SREBF2: variants seen among roughly 807,000 people sequenced by gnomAD.
SREBF2 encodes sterol regulatory element binding transcription factor 2.
SREBF2 carries 55 observed loss-of-function variants against 113.1 expected under a neutral mutation model. The ratio of observed to expected loss-of-function variants is 0.49; its 90% CI spans 0.39 to 0.61. SREBF2 has a LOEUF of 0.61. SREBF2 is among the 20% of genes least tolerant of loss of function. The pLI is 0.00. For synonymous variants in SREBF2, 593 were observed against 605.7 expected (o/e 0.98, Z 0.31); for missense variants, 1,349 against 1,487.4 (o/e 0.91, Z 1.53).
rs1251549547 is a variant in SREBF2 at position 41,893,135 on chromosome 22, G to A, written c.2227G>A (p.Ala743Thr). ...GFLASYFLSR[A>T]QSLCGPEHSA... ...TCCACAGAGCTACTTCCTCAGCCGA[G>A]CCCAGAGCCTGTGTGGCCCCGAGCA... The change falls in exon 12 of 19, where the codon GCC (alanine) becomes ACC (threonine). Residue 743 changes from alanine to threonine, a missense_variant. Ala to Thr is a moderately conservative substitution (Grantham distance 58). Around this residue, in one of 2 missense-constraint regions of SREBF2, gnomAD observed 650 missense variants for 644.1 expected, o/e 1.01. Transcript: ENST00000361204. The A allele has an allele frequency of 6.2e-7, 1 of 1,613,698 alleles. No individual in the cohort carries two copies. The highest frequency in any genetic ancestry group is 1.3e-5 in the African/African-American group (1 of 74,906).
Position 41,878,038 on chromosome 22 carries a change from A to G in SREBF2, c.1676A>G (p.His559Arg). The change falls in exon 9 of 19, where the codon CAT becomes CGT. Residue 559 changes from histidine (H) to arginine (R), a missense_variant. His to Arg is a conservative substitution (Grantham distance 29). Coordinates refer to ENST00000361204, the MANE Select transcript of SREBF2 (RefSeq NM_004599.4). ...AGCGTCTTTGTGAAGCTGCTGGTTC[A>G]TGGGGAGCCAGTGATCCGGCCACAC... ...VLSVFVKLLV[H>R]GEPVIRPHSR... is the part of the protein sequence containing the mutation. 1 of 1,614,150 alleles carries G rather than the reference A, an allele frequency of 6.2e-7. No homozygotes were observed. The highest frequency in any genetic ancestry group is 8.5e-7 in the Non-Finnish European group (1 of 1,180,036).
chr22:41,897,445 G>C (rs1437952808), intron 14 of SREBF2, among the ~76,000 whole-genome samples: 1 of 152,192 alleles, frequency 6.6e-6, no homozygotes, highest in Non-Finnish European at 1.5e-5. Context: ...AGAAGAACAA[G>C]CAATGAGTGG....
chr22:41,877,383 A>G lies in SREBF2; in HGVS notation c.1541A>G (p.His514Arg), dbSNP rs1469641286. Residue 514 changes from histidine (H) to arginine (R), a missense_variant, in exon 8 of 19, where the codon CAC becomes CGC. By Grantham distance (29) the His-to-Arg change is conservative. Coordinates refer to ENST00000361204, the MANE Select transcript of SREBF2 (RefSeq NM_004599.4). ...GGAHDSDQHPHSGSGRSVLSF... is the reference protein window; with the variant it reads ...GGAHDSDQHPRSGSGRSVLSF... ...GCCCACGACTCTGACCAGCACCCAC[A>G]CTCAGGCTCTGGCCGCAGTGTCCTG... is the stretch of plus-strand genomic sequence containing the variant. The G allele has an allele frequency of 6.2e-7, 1 of 1,613,976 alleles. No individual in the cohort carries two copies. Among genetic ancestry groups the G allele is most frequent in the African/African-American group, 1.3e-5 (1 of 74,888 alleles).
At chr22:41,905,280 G>A (rs2077497602) in intron 18 of SREBF2, among the ~76,000 whole-genome samples, 160 bp from the exon 19 acceptor site, 1 of 152,236 alleles carries the variant, frequency 6.6e-6, no homozygotes, top group Middle Eastern at 3.2e-3. Context: ...GGCCGTGAGA[G>A]GCTGGACAAG....
intron 11 of SREBF2, chr22:41,885,877 G>T (rs531884619): frequency 6.6e-6 from 1 of 152,248 alleles, no homozygotes; most frequent in African/African-American, 2.4e-5. Context: ...GGTACATCAC[G>T]ATAGTCTAGG....
Position 41,875,322 on chromosome 22 carries a change from C to A in SREBF2, c.1090-15C>A. ...GCACTGGTCTCACTGTGTTTTCACT[C>A]ATCTTCCTACCCAGATGCACAAGTC... On this transcript the variant is annotated splice_polypyrimidine_tract_variant and intron_variant, in intron 5 of 18. Coordinates refer to ENST00000361204, the MANE Select transcript of SREBF2 (RefSeq NM_004599.4). 6.2e-7 allele frequency: 1 copy of A among 1,609,402 alleles called. No individual in the cohort carries two copies. The highest frequency in any genetic ancestry group is 1.1e-5 in the South Asian group (1 of 90,840).
intron 11 of SREBF2, chr22:41,885,873 T>A (rs2077294628): frequency 6.6e-6 from 1 of 152,282 alleles, no homozygotes; most frequent in Non-Finnish European, 1.5e-5. Flanking sequence ...CTGAGGTACA[T>A]CACGATAGTC....
intron 1 of SREBF2, among the ~76,000 whole-genome samples, chr22:41,866,530 G>A (rs572853427): frequency 1.3e-5 from 2 of 152,228 alleles, no homozygotes; most frequent in Admixed American, 1.3e-4. Context: ...ATCCAGCGTG[G>A]GCGATAGAGG....
At chr22:41,886,895 G>A (rs1003771374) in intron 11 of SREBF2, among the ~76,000 whole-genome samples, 23 of 152,216 alleles carry the variant, frequency 1.5e-4, no homozygotes, top group Admixed American at 1.5e-3. Context: ...TTAGCCAGGC[G>A]TGGTGGCATG....
chr22:41,905,724 C>A lies in SREBF2; in HGVS notation c.*64C>A, dbSNP rs1602357210. 1.3e-6 allele frequency: 2 copies of A among 1,491,138 alleles called. No homozygotes were observed. The highest frequency in any genetic ancestry group is 1.4e-5 in the African/African-American group (1 of 71,894). The allele number at this position is 1,491,138 out of a possible 1,614,324, so 92.4% of individuals were successfully genotyped here. On this transcript the variant is annotated 3_prime_UTR_variant, in exon 19 of 19. Transcript: ENST00000361204. ...TTCTCTCTCTCCCCCTCAGCATCTT[C>A]CCGCTGAGAGTGGTGGGGAAGAGCC...
At chr22:41,896,970 C>A in intron 13 of SREBF2, 82 bp from the exon 14 acceptor site, 1 of 967,868 alleles carries the variant, frequency 1.0e-6, no homozygotes, top group Non-Finnish European at 1.6e-6. Context: ...GGTCTTAGAG[C>A]TGGAGAGCTG....
rs2077462140 is a variant in SREBF2 at position 41,901,100 on chromosome 22, G to C, written c.2907+602G>C. ...CCTGATAGAGGGCACTGCTGCCACT[G>C]TTGGGGCCCAAGTCACAGCCATCCC... On this transcript the variant is annotated intron_variant, in intron 16 of 18. Transcript: ENST00000361204. The C allele has an allele frequency of 6.1e-5, 25 of 407,736 alleles. 1 individual carries two copies. The highest frequency in any genetic ancestry group is 4.4e-4 in the South Asian group (25 of 57,016). 25.3% of individuals were successfully genotyped at this position (407,736 alleles called of 1,614,324 possible).
intron 4 of SREBF2, among the ~76,000 whole-genome samples, chr22:41,872,286 G>GGA (rs1215194896): frequency 1.3e-5 from 2 of 151,882 alleles, no homozygotes; most frequent in African/African-American, 4.8e-5. Flanking sequence ...TCAAGCCAAA[G>GGA]GAGTTCATGC....
chr22:41,900,465 C>T lies in SREBF2; in HGVS notation c.2874C>T (p.Val958=), dbSNP rs1351658241. 10 of 1,613,710 alleles carry T rather than the reference C, an allele frequency of 6.2e-6. No individual in the cohort carries two copies. In the East Asian group the frequency reaches 2.2e-4, roughly 36 times the overall value. ...GCCACCTATGGAGCAGCCTCAACGTCAGTGGGGCCACCTCTGACCCTGCCC... is the reference window on the plus strand; with the variant it reads ...GCCACCTATGGAGCAGCCTCAACGTTAGTGGGGCCACCTCTGACCCTGCCC... ...ASGHLWSSLN[V]SGATSDPALN... is the part of the protein sequence containing the mutation. Residue 958 remains valine (V), a synonymous_variant, in exon 16 of 19, where the codon GTC becomes GTT. Transcript: ENST00000361204.
intron 1 of SREBF2, among the ~76,000 whole-genome samples, chr22:41,854,739 C>T (rs1177597288): frequency 1.3e-5 from 2 of 151,446 alleles, no homozygotes; most frequent in Non-Finnish European, 2.9e-5. Flanking sequence ...TTTGGTGGTA[C>T]GTGCCTGTAA....
rs2077509389 is a variant in SREBF2 at position 41,906,359 on chromosome 22, G to GT, written c.*700dup. On this transcript the variant is annotated 3_prime_UTR_variant, in exon 19 of 19. Transcript: ENST00000361204. ...TTTTTAATTTTTTAAAAAATAAATG[G>GT]TATCTTATTTAATTGTCCTGTTCCT... is the stretch of plus-strand genomic sequence containing the variant. 1 of 205,842 alleles carries GT rather than the reference G, an allele frequency of 4.9e-6. No individual in the cohort carries two copies. Among genetic ancestry groups the GT allele is most frequent in the Admixed American group, 5.3e-5 (1 of 18,792 alleles). 12.8% of individuals were successfully genotyped at this position (205,842 alleles called of 1,614,324 possible).
In SREBF2 at chr22:41,884,992, G is replaced by T. The variant is rs146030234; in HGVS notation, c.2189G>T (p.Gly730Val). 4.2e-4 allele frequency: 674 copies of T among 1,614,182 alleles called. No homozygotes were observed. Among genetic ancestry groups the T allele is most frequent in the Non-Finnish European group, 5.3e-4 (631 of 1,180,028 alleles). Residue 730 changes from glycine to valine, a missense_variant, in exon 11 of 19, where the codon GGC becomes GTC. Coordinates refer to ENST00000361204, the MANE Select transcript of SREBF2 (RefSeq NM_004599.4). ...AAMGLKTRCG[G>V]KLGFLASYFL... Reference sequence around the variant, plus strand: ...ATGGGGCTCAAGACCCGGTGTGGAGGCAAGCTGGGCTTCCTGGCCGTGAGT... The same window carrying T: ...ATGGGGCTCAAGACCCGGTGTGGAGTCAAGCTGGGCTTCCTGGCCGTGAGT...
chr22:41,890,110 T>C (rs2148407516), intron 11 of SREBF2, among the ~76,000 whole-genome samples: 1 of 152,284 alleles, frequency 6.6e-6, no homozygotes, highest in Non-Finnish European at 1.5e-5. Flanking sequence ...ACAGCCTCAC[T>C]CTGTTGCCCA....
intron 15 of SREBF2, 69 bp from the exon 16 acceptor site, chr22:41,900,261 T>C (rs567334347): frequency 4.3e-5 from 68 of 1,588,148 alleles, no homozygotes; most frequent in Non-Finnish European, 5.1e-6. Flanking sequence ...GTCACTGGCT[T>C]GGGCCCCTCT....
Sources: gnomAD v4.1 joint callset for allele counts (sites outside exome capture counted in the v4.1 genomes callset) on GRCh38, gnomAD v4.1.1 for gene constraint, gnomAD v4.1.1 regional missense constraint, MANE v1.5 for transcripts, NCBI Gene and HGNC (gene_info 2026-07-23, HGNC 2026-07-21) for gene names.